The following SLC6A7 variants were observed in gnomAD, a reference collection of about 807,000 sequenced individuals.
SLC6A7 encodes sodium-dependent proline transporter.
In SLC6A7, 58 loss-of-function variants were observed where a neutral mutation model predicts 73.1. The ratio of observed to expected loss-of-function variants is 0.79; its 90% confidence interval spans 0.64 to 0.99. The LOEUF is 0.99. SLC6A7 is among the 50% of genes least tolerant of loss of function. The pLI is 0.00. For missense variants in SLC6A7, 783 were observed against 831.4 expected (o/e 0.94, Z 0.72); for synonymous variants, 338 against 338.7 (o/e 1.00, Z 0.02).
chr5:150,192,410 C>T (rs1752828693), intron 1 of SLC6A7, among the ~76,000 whole-genome samples: 1 of 152,218 alleles, frequency 6.6e-6, no homozygotes, highest in South Asian at 2.1e-4. Context: ...TGTGTTCCTG[C>T]ATGCCCCTGG....
At position 150,203,685 on chromosome 5, in the gene SLC6A7, T is replaced by C. The variant is rs1753507943; in HGVS notation, c.1106T>C (p.Val369Ala). 6.2e-7 allele frequency: 1 copy of C among 1,609,332 alleles called. No homozygotes were observed. The highest frequency in any genetic ancestry group is 2.2e-5 in the East Asian group (1 of 44,838). Residue 369 changes from valine to alanine, a missense_variant, in exon 9 of 14, where the codon GTC becomes GCC. By Grantham distance (64) the Val-to-Ala change is moderately conservative (BLOSUM62 0). Transcript: ENST00000230671. ...VAKAGPGLAF[V>A]VYPQAMTMLP... ...GGCCCAGGCCCTGGCCTGGCCTTTG[T>C]CGTCTACCCACAGGCCATGACCATG...
Position 150,196,726 on chromosome 5 carries a change from C to T in SLC6A7, c.228C>T (p.Leu76=), listed in dbSNP as rs2229414. 8.0e-4 allele frequency: 1,295 copies of T among 1,613,600 alleles called. 9 individuals are homozygous for T. The African/African-American group carries it at 0.013, about 17-fold the overall frequency. The part of the protein sequence containing the change: ...RAYTNGGGAF[L]VPYFLMLAIC... ...CCCCGCTCCCGGCAGGCGCCTTCCT[C>T]GTGCCCTACTTCCTCATGCTGGCCA... Residue 76 remains leucine, a synonymous_variant, in exon 3 of 14, where the codon CTC becomes CTT. Coordinates refer to ENST00000230671, the MANE Select transcript of SLC6A7 (RefSeq NM_014228.5).
chr5:150,204,003 G>A lies in SLC6A7; in HGVS notation c.1297G>A (p.Ala433Thr). The change falls in exon 10 of 14, where the codon GCC becomes ACC. Residue 433 changes from alanine (A) to threonine (T), a missense_variant. Transcript: ENST00000230671. Reference protein sequence around the residue: ...KAVFSGLICVAMYLMGLILTT... With the variant: ...KAVFSGLICVTMYLMGLILTT... ...GGTGTTCTCAGGGCTCATCTGCGTG[G>A]CCATGTACCTGATGGGGCTGATCCT... 6.2e-7 allele frequency: 1 copy of A among 1,613,624 alleles called. No individual in the cohort carries two copies. Among genetic ancestry groups the A allele is most frequent in the Non-Finnish European group, 8.5e-7 (1 of 1,179,836 alleles).
rs921821344 is a variant in SLC6A7 at position 150,194,634 on chromosome 5, T to G, written c.34-94T>G. Reference sequence around the variant, plus strand: ...TCTGGACTGAGAATGTCTTTTCATTTAGCCCTGTTCAATTCCAGAGTCTTG... The same window carrying G: ...TCTGGACTGAGAATGTCTTTTCATTGAGCCCTGTTCAATTCCAGAGTCTTG... On this transcript the variant is annotated intron_variant, in intron 1 of 13. Coordinates refer to ENST00000230671, the MANE Select transcript of SLC6A7 (RefSeq NM_014228.5). The G allele has an allele frequency of 8.2e-6, 7 of 858,864 alleles. No homozygotes were observed. In the African/African-American group the frequency reaches 1.2e-4, roughly 14 times the overall value. 53.2% of individuals were successfully genotyped at this position (858,864 alleles called of 1,614,324 possible). A position where few individuals can be genotyped will look rare whatever the true frequency, so the allele number is the denominator to read the frequency against.
In SLC6A7 at chr5:150,203,735, TTTC is replaced by T; in HGVS notation, c.1158_1160del (p.Leu387del). 3.7e-6 allele frequency: 6 copies of T among 1,611,804 alleles called. No homozygotes were observed. The highest frequency in any genetic ancestry group is 1.1e-5 in the South Asian group (1 of 91,022). On this transcript the variant is annotated inframe_deletion, in exon 9 of 14. Coordinates refer to ENST00000230671, the MANE Select transcript of SLC6A7 (RefSeq NM_014228.5). ...GCTGCCTCTGTCACCCTTCTGGTCC[TTTC>T]TCTTCTTCTTCATGCTTCTGACTCT...
chr5:150,192,615 G>A (rs2113964609), intron 1 of SLC6A7, among the ~76,000 whole-genome samples: 1 of 152,334 alleles, frequency 6.6e-6, no homozygotes, highest in East Asian at 1.9e-4. Flanking sequence ...CTCCTGATTG[G>A]CTCAGCTTTG....
chr5:150,207,307 G>T lies in SLC6A7; in HGVS notation c.1701+1684G>T, dbSNP rs76992104. ...GTTTCACTTTGTCACCCAGGCTGGGGTGCAGTGACGCCATCTGGGCTCACT... is the reference window on the plus strand; with the variant it reads ...GTTTCACTTTGTCACCCAGGCTGGGTTGCAGTGACGCCATCTGGGCTCACT... On this transcript the variant is annotated intron_variant, in intron 13 of 13. Coordinates refer to ENST00000230671, the MANE Select transcript of SLC6A7 (RefSeq NM_014228.5). Among the ~76,000 whole-genome samples the T allele has an allele frequency of 4.1e-3, 619 of 152,248 alleles. 37 individuals are homozygous for T. In the East Asian group the frequency reaches 0.1, roughly 25 times the overall value.
intron 13 of SLC6A7, among the ~76,000 whole-genome samples, chr5:150,207,928 C>T (rs778514278): frequency 6.9e-4 from 103 of 149,862 alleles, no homozygotes; most frequent in African/African-American, 2.3e-3. Context: ...TGTTGGTTGT[C>T]GTGGAGGGGA....
At chr5:150,190,428 A>T in intron 1 of SLC6A7, 68 bp downstream of exon 1, 1 of 1,149,844 alleles carries the variant, frequency 8.7e-7, no homozygotes, top group Non-Finnish European at 1.2e-6. Context: ...GCCCCCAACG[A>T]GGCCCCTGGG....
chr5:150,203,820 GGTGTGTGTGT>G (rs35380195), intron 9 of SLC6A7, 41 bp downstream of exon 9: 145 of 802,562 alleles, frequency 1.8e-4, no homozygotes, highest in African/African-American at 7.6e-4. Context: ...GTGTGTGTGT[GGTGTGTGTGT>G]GTGTGTGTGT....
At chr5:150,198,811 G>GGTGTGTGTGTGTGTGTGT (rs774414750) in intron 4 of SLC6A7, among the ~76,000 whole-genome samples, 1 of 112,022 alleles carries the variant, frequency 8.9e-6, no homozygotes, top group Non-Finnish European at 1.9e-5. Flanking sequence ...GGCCCTGGAT[G>GGTGTGTGTGTGTGTGTGT]GTGTGTGTGT....
At chr5:150,206,343 C>T (rs1753699500) in intron 13 of SLC6A7, among the ~76,000 whole-genome samples, 1 of 152,216 alleles carries the variant, frequency 6.6e-6, no homozygotes, top group African/African-American at 2.4e-5. Flanking sequence ...CACATCCCAC[C>T]AGAAGTGTGC....
chr5:150,193,536 T>C (rs72492452), intron 1 of SLC6A7, among the ~76,000 whole-genome samples: 16,065 of 151,994 alleles, frequency 0.11, 1,140 homozygotes, highest in Middle Eastern at 0.22. Context: ...TTGGGGAAGT[T>C]TTCTGGCTTG....
At chr5:150,202,805 T>G in intron 8 of SLC6A7, 102 bp downstream of exon 8, 2 of 1,353,114 alleles carry the variant, frequency 1.5e-6, no homozygotes, top group Non-Finnish European at 2.0e-6. Flanking sequence ...CCAGGCGCGG[T>G]GGCTCATGCC....
At chr5:150,205,239 T>G (rs2342279) in intron 12 of SLC6A7, among the ~76,000 whole-genome samples, 152,309 of 152,310 alleles carry the variant, frequency 1, 76,154 homozygotes, top group Middle Eastern at 1. Context: ...AGAAATGGCT[T>G]GTGCAGGCCT....
intron 2 of SLC6A7, among the ~76,000 whole-genome samples, chr5:150,195,622 C>T (rs1010715100): frequency 2.6e-5 from 4 of 152,164 alleles, no homozygotes; most frequent in Non-Finnish European, 5.9e-5. Context: ...GGTGGCAGAC[C>T]CAACATTCCA....
chr5:150,196,918 AC>A, intron 3 of SLC6A7, 71 bp downstream of exon 3: 1 of 1,542,592 alleles, frequency 6.5e-7, no homozygotes, highest in Non-Finnish European at 8.8e-7. Flanking sequence ...TGCCCCCAGA[AC>A]CCCTGCCAGC....
At position 150,190,081 on chromosome 5, in the gene SLC6A7, G is replaced by A. The variant is rs1562069703; in HGVS notation, c.-247G>A. On this transcript the variant is annotated 5_prime_UTR_variant, in exon 1 of 14. Transcript: ENST00000230671. ...CCGTCCGTCAGCTGTCTGTCTGGGT[G>A]TCTATGCGGGCGCAGCAGTGCACCC... 1.2e-5 allele frequency: 5 copies of A among 415,670 alleles called. No homozygotes were observed. Among genetic ancestry groups the A allele is most frequent in the Non-Finnish European group, 2.1e-5 (5 of 237,594 alleles). 25.7% of individuals were successfully genotyped at this position (415,670 alleles called of 1,614,324 possible). A position where few individuals can be genotyped will look rare whatever the true frequency, so the allele number is the denominator to read the frequency against.
At position 150,200,349 on chromosome 5, in the gene SLC6A7, C is replaced by T. The variant is rs545059548; in HGVS notation, c.724-740C>T. 5.7e-4 allele frequency among the ~76,000 whole-genome samples: 87 copies of T among 152,154 alleles called. 1 individual carries two copies. The highest frequency in any genetic ancestry group is 1.0e-3 in the Non-Finnish European group (68 of 68,006). ...CTCTACTAAAAATACAAAAATTAGC[C>T]GGGCATGATGGCAGGTGCCTGTAAT... On this transcript the variant is annotated intron_variant, in intron 5 of 13. Transcript: ENST00000230671.
Sources: allele counts gnomAD v4.1 joint callset (sites outside exome capture counted in the v4.1 genomes callset), GRCh38; gene constraint gnomAD v4.1.1; transcripts MANE v1.5; gene names NCBI Gene and HGNC (gene_info 2026-07-23, HGNC 2026-07-21).